Variants in PFKP observed in about 807,000 individuals in gnomAD.
PFKP encodes the protein phosphofructokinase, platelet, also known as ATP-dependent 6-phosphofructokinase, platelet type.
A neutral mutation model predicts 94.3 loss-of-function variants in PFKP; 101 were observed. That is an observed-to-expected ratio of 1.07 (90% CI 0.91 to 1.26). The LOEUF (loss-of-function observed/expected upper bound fraction) is 1.26. Among genes scored for constraint, PFKP ranks in the 50% most tolerant of loss-of-function variants. The pLI, the probability that PFKP is intolerant of heterozygous loss-of-function variation, is 0.00. For synonymous variants in PFKP, 573 were observed against 432.6 expected (o/e 1.32, Z -4.03); for missense variants, 1,145 against 1,103.3 (o/e 1.04, Z -0.53).
chr10:3,132,492 TTC>T (rs1271242989), intron 18 of PFKP, 51 bp downstream of exon 18: 3 of 1,269,528 alleles, frequency 2.4e-6, no homozygotes, highest in Non-Finnish European at 3.5e-6. Flanking sequence ...CACACCCTGG[TTC>T]TTAGATTCTA....
At chr10:3,089,878 C>G (rs543207481) in intron 2 of PFKP, among the ~76,000 whole-genome samples, 1 of 152,186 alleles carries the variant, frequency 6.6e-6, no homozygotes, top group African/African-American at 2.4e-5. Flanking sequence ...CTTCCTTCTA[C>G]TTTTCCCAGC....
At chr10:3,101,719 G>T (rs371129264) in intron 4 of PFKP, among the ~76,000 whole-genome samples, 165 bp downstream of exon 4, 2 of 152,170 alleles carry the variant, frequency 1.3e-5, no homozygotes, top group African/African-American at 2.4e-5. Flanking sequence ...AGCAATGATC[G>T]TAAGAATGCT....
chr10:3,096,643 T>A (rs973087272), intron 2 of PFKP, among the ~76,000 whole-genome samples: 1 of 131,788 alleles, frequency 7.6e-6, no homozygotes, highest in Non-Finnish European at 1.7e-5. Flanking sequence ...GCCTGCTTCC[T>A]TGTTTCCTTG....
At chr10:3,101,250 GAAAATGAGA>G in intron 3 of PFKP, 106 bp from the exon 4 acceptor site, 1 of 914,858 alleles carries the variant, frequency 1.1e-6, no homozygotes, top group Non-Finnish European at 1.6e-6. Flanking sequence ...CTCACAAGAT[GAAAATGAGA>G]AAAATGTAAA....
Position 3,129,908 on chromosome 10 carries a change from C to G in PFKP, c.1773C>G (p.Ala591=). The change falls in exon 17 of 22, where the codon GCC becomes GCG. Residue 591 remains alanine (A), a synonymous_variant. Coordinates refer to ENST00000381125, the MANE Select transcript of PFKP (RefSeq NM_002627.5). ...ETMGGYCGYL[A]NMGGLAAGAD... is the part of the protein sequence containing the mutation. ...TGGGCGGCTACTGTGGCTACCTGGCCAACATGGGGGGGCTCGCGGCCGGAG... is the reference window on the plus strand; with the variant it reads ...TGGGCGGCTACTGTGGCTACCTGGCGAACATGGGGGGGCTCGCGGCCGGAG... 1 of 1,612,896 alleles carries G rather than the reference C, an allele frequency of 6.2e-7. No individual in the cohort carries two copies. Among genetic ancestry groups the G allele is most frequent in the Non-Finnish European group, 8.5e-7 (1 of 1,179,598 alleles).
chr10:3,132,528 T>G, intron 18 of PFKP, 87 bp downstream of exon 18: 1 of 944,306 alleles, frequency 1.1e-6, no homozygotes, highest in South Asian at 1.3e-5. Context: ...GCTGGATGAG[T>G]GGTCATTTCT....
intron 1 of PFKP, among the ~76,000 whole-genome samples, chr10:3,077,474 G>A (rs1278108943): frequency 1.3e-5 from 2 of 151,436 alleles, no homozygotes; most frequent in African/African-American, 2.4e-5. Flanking sequence ...CACCCTGTTA[G>A]CCAGGATGGT....
Position 3,082,440 on chromosome 10 carries a change from C to G in PFKP, c.165C>G (p.Ala55=), listed in dbSNP as rs1833156758. The part of the protein sequence containing the change: ...AVVRMGIYVG[A]KVYFIYEGYQ... ...TGCGCATGGGTATCTACGTGGGGGC[C>G]AAGGTGTACTTCATCTACGAGGTCA... Residue 55 remains alanine (A), a synonymous_variant, in exon 2 of 22, where the codon GCC becomes GCG. Coordinates refer to ENST00000381125, the MANE Select transcript of PFKP (RefSeq NM_002627.5). The G allele has an allele frequency of 6.2e-7, 1 of 1,607,622 alleles. No homozygotes were observed. Among genetic ancestry groups the G allele is most frequent in the Non-Finnish European group, 8.5e-7 (1 of 1,175,884 alleles).
At chr10:3,107,166 T>C in intron 7 of PFKP, 48 bp from the exon 8 acceptor site, 1 of 1,174,198 alleles carries the variant, frequency 8.5e-7, no homozygotes, top group Non-Finnish European at 1.3e-6. Context: ...CATTTGTTGC[T>C]AAGAACAGGA....
chr10:3,077,411 A>G (rs1344228126), intron 1 of PFKP, among the ~76,000 whole-genome samples: 2 of 150,588 alleles, frequency 1.3e-5, no homozygotes, highest in East Asian at 1.9e-4. Flanking sequence ...GCAGGCGCTC[A>G]CCACCATGCC....
At chr10:3,131,623 AT>A (rs1419036541) in intron 17 of PFKP, among the ~76,000 whole-genome samples, 3 of 151,714 alleles carry the variant, frequency 2.0e-5, no homozygotes, top group Non-Finnish European at 2.9e-5. Context: ...CGCCTGGCTA[AT>A]TTTTTGTATT....
chr10:3,126,307 C>G (rs1837938018), intron 16 of PFKP, among the ~76,000 whole-genome samples: 4 of 152,236 alleles, frequency 2.6e-5, no homozygotes, highest in Admixed American at 2.0e-4. Context: ...AGGCTTCTCC[C>G]TGTGTTCCCC....
intron 19 of PFKP, among the ~76,000 whole-genome samples, chr10:3,134,228 A>T (rs1838940216): frequency 1.3e-5 from 2 of 152,180 alleles, no homozygotes; most frequent in Non-Finnish European, 2.9e-5. Flanking sequence ...CTGATTTAAG[A>T]TTTTAAAATA....
intron 14 of PFKP, 37 bp downstream of exon 14, chr10:3,116,883 A>G: frequency 7.0e-7 from 1 of 1,424,754 alleles, no homozygotes; most frequent in Non-Finnish European, 9.9e-7. Context: ...CCTGCTTTTA[A>G]GGAAGAAGGA....
intron 2 of PFKP, among the ~76,000 whole-genome samples, chr10:3,094,991 A>C (rs145143992): frequency 3.5e-4 from 53 of 152,310 alleles, no homozygotes; most frequent in African/African-American, 1.2e-3. Context: ...GGCACTTTTA[A>C]AGTCTGTTAT....
intron 13 of PFKP, 52 bp downstream of exon 13, chr10:3,113,570 G>C (rs748291604): frequency 1.1e-5 from 17 of 1,562,142 alleles, no homozygotes; most frequent in African/African-American, 1.4e-5. Flanking sequence ...TGTGAGCACA[G>C]TGGACGTGGC....
chr10:3,127,457 G>A (rs983156132), intron 16 of PFKP, among the ~76,000 whole-genome samples: 2 of 151,958 alleles, frequency 1.3e-5, no homozygotes, highest in Admixed American at 1.3e-4. Context: ...ACCTCAGGGT[G>A]GGCTGCGGGG....
At chr10:3,090,942 C>G (rs757846852) in intron 2 of PFKP, among the ~76,000 whole-genome samples, 1 of 152,062 alleles carries the variant, frequency 6.6e-6, no homozygotes, top group African/African-American at 2.4e-5. Context: ...GACAGTTAAA[C>G]AGGTTACTAT....
intron 14 of PFKP, among the ~76,000 whole-genome samples, chr10:3,117,084 T>G (rs1258741305): frequency 2.0e-5 from 3 of 152,210 alleles, no homozygotes; most frequent in Non-Finnish European, 2.9e-5. Context: ...CTTCCTCTAA[T>G]TCATATTTCC....
Sources: gnomAD v4.1 joint callset for allele counts (sites outside exome capture counted in the v4.1 genomes callset) on GRCh38, gnomAD v4.1.1 for gene constraint, MANE v1.5 for transcripts, NCBI Gene and HGNC (gene_info 2026-07-23, HGNC 2026-07-21) for gene names.